Variants in DST observed in about 807,000 individuals in gnomAD.
The protein encoded by DST is dystonin.
In DST, 253 loss-of-function variants were observed where a neutral mutation model predicts 875.2. The ratio of observed to expected loss-of-function variants is 0.29; its 90% CI spans 0.26 to 0.32. The LOEUF (loss-of-function observed/expected upper bound fraction) is 0.32. DST is among the 10% of genes least tolerant of loss of function. The pLI is 1.00. For missense variants in DST, 8,287 were observed against 9,111.6 expected, an observed-to-expected ratio of 0.91 and a Z score of 3.68; for synonymous variants, 3,124 against 3,197.1, an observed-to-expected ratio of 0.98 and a Z score of 0.77.
chr6:56,666,991 T>C (rs1399412626), intron 10 of DST, among the ~76,000 whole-genome samples: 1 of 151,382 alleles, frequency 6.6e-6, no homozygotes, highest in African/African-American at 2.4e-5. Context: ...CAACTGAAAG[T>C]AGAGAATTAA....
chr6:56,483,660 A>G (rs60164584), intron 88 of DST: 1 of 150,464 alleles, frequency 6.6e-6, no homozygotes, highest in South Asian at 2.1e-4. Context: ...TTTTGATCCA[A>G]GAGTCTGTGT....
chr6:56,725,817 C>G (rs1462735308), intron 5 of DST, among the ~76,000 whole-genome samples: 1 of 152,096 alleles, frequency 6.6e-6, no homozygotes, highest in Non-Finnish European at 1.5e-5. Flanking sequence ...ATGAAAGCTC[C>G]CATTCCATAT....
Position 56,603,548 on chromosome 6 carries a change from AG to A in DST, c.10941+15del. The A allele has an allele frequency of 6.2e-7, 1 of 1,601,100 alleles. No homozygotes were observed. Among genetic ancestry groups the A allele is most frequent in the South Asian group, 1.1e-5 (1 of 88,980 alleles). On this transcript the variant is annotated intron_variant, in intron 41 of 103. Coordinates refer to ENST00000680361, the MANE Select transcript of DST (RefSeq NM_001374736.1). ...AGCTGACTACCATCCATAAAGAGGCAGTAGACAATTCTTACCTCCAACTGTC... is the reference window on the plus strand; with the variant it reads ...AGCTGACTACCATCCATAAAGAGGCATAGACAATTCTTACCTCCAACTGTC...
intron 61 of DST, among the ~76,000 whole-genome samples, chr6:56,544,197 G>A (rs1327387393): frequency 1.3e-5 from 2 of 152,158 alleles, no homozygotes; most frequent in Non-Finnish European, 2.9e-5. Flanking sequence ...CTGGGAAATA[G>A]TAGAGGCCAA....
intron 2 of DST, among the ~76,000 whole-genome samples, chr6:56,917,305 C>G (rs539093120): frequency 2.0e-5 from 3 of 152,172 alleles, no homozygotes; most frequent in Non-Finnish European, 4.4e-5. Flanking sequence ...ATAATTTATG[C>G]TGAGTAAAGA....
intron 49 of DST, among the ~76,000 whole-genome samples, chr6:56,581,359 G>A (rs2097986544): frequency 6.6e-6 from 1 of 152,120 alleles, no homozygotes; most frequent in African/African-American, 2.4e-5. Flanking sequence ...TAATTGATGG[G>A]GTGGAAATGG....
At chr6:56,705,769 G>C (rs1015835043) in intron 5 of DST, among the ~76,000 whole-genome samples, 1 of 152,130 alleles carries the variant, frequency 6.6e-6, no homozygotes, top group African/African-American at 2.4e-5. Context: ...AGGCTCAATA[G>C]CTCTACCACA....
chr6:56,809,559 A>G (rs1197260182), intron 4 of DST, among the ~76,000 whole-genome samples: 1 of 152,222 alleles, frequency 6.6e-6, no homozygotes, highest in Non-Finnish European at 1.5e-5. Flanking sequence ...ACTATCTCTC[A>G]TAGTTCTACC....
In DST at chr6:56,524,042, A is replaced by G. The variant is rs1051638235; in HGVS notation, c.18129+2319T>C. ...GTCTAAAGATATGCTTTTTTTAATC[A>G]CTCCTTTTTATATTTCATGGATGTA... On this transcript the variant is annotated intron_variant, in intron 69 of 103. Transcript: ENST00000680361. Among the ~76,000 whole-genome samples the G allele has an allele frequency of 4.4e-4, 67 of 151,966 alleles. 1 individual carries two copies. The highest frequency in any genetic ancestry group is 4.4e-3 in the Admixed American group (67 of 15,232).
intron 49 of DST, among the ~76,000 whole-genome samples, chr6:56,582,386 C>T (rs78302347): frequency 0.048 from 7,249 of 152,032 alleles, 257 homozygotes; most frequent in Non-Finnish European, 0.074. Flanking sequence ...CACTTCCCCA[C>T]CTCCCCACCT....
At chr6:56,928,659 G>A (rs1352254583) in intron 2 of DST, among the ~76,000 whole-genome samples, 1 of 152,102 alleles carries the variant, frequency 6.6e-6, no homozygotes, top group African/African-American at 2.4e-5. Flanking sequence ...ATTTGCGGAT[G>A]ATATGTTATT....
At chr6:56,953,978 C>T (rs1426993260) in intron 1 of DST, among the ~76,000 whole-genome samples, 159 bp from the exon 2 acceptor site, 4 of 152,134 alleles carry the variant, frequency 2.6e-5, no homozygotes, top group Non-Finnish European at 5.9e-5. Flanking sequence ...GTCCTGGGGC[C>T]ATCGGTCTCT....
At chr6:56,742,209 G>T in intron 4 of DST, 2 of 1,061,232 alleles carry the variant, frequency 1.9e-6, no homozygotes, top group Non-Finnish European at 2.6e-6. Context: ...AAAGCAGGTA[G>T]TGCAACTTTC....
intron 4 of DST, among the ~76,000 whole-genome samples, chr6:56,818,817 T>C (rs567541779): frequency 6.6e-6 from 1 of 152,268 alleles, no homozygotes; most frequent in Admixed American, 6.5e-5. Context: ...ACTATTACCT[T>C]TTAGTGAACT....
chr6:56,842,750 T>G (rs1161548518), intron 4 of DST, among the ~76,000 whole-genome samples: 1 of 152,096 alleles, frequency 6.6e-6, no homozygotes, highest in Non-Finnish European at 1.5e-5. Context: ...CAGGAAGAAT[T>G]ATGATTACGC....
Position 56,897,376 on chromosome 6 carries a change from G to A in DST, c.417+3045C>T, listed in dbSNP as rs187331762. Among the ~76,000 whole-genome samples, 88 of 151,512 alleles carry A rather than the reference G, an allele frequency of 5.8e-4. 1 individual carries two copies. Among genetic ancestry groups the A allele is most frequent in the African/African-American group, 2.0e-3 (83 of 41,304 alleles). ...AGACGTAGTCTCACTCTATTGCCAAGGCTGGAGTGCAATGGCACGATCTTG... is the reference window on the plus strand; with the variant it reads ...AGACGTAGTCTCACTCTATTGCCAAAGCTGGAGTGCAATGGCACGATCTTG... On this transcript the variant is annotated intron_variant, in intron 3 of 103. Transcript: ENST00000680361.
intron 61 of DST, chr6:56,542,790 C>G (rs1455872441): frequency 6.6e-6 from 1 of 152,416 alleles, no homozygotes; most frequent in Admixed American, 6.5e-5. Context: ...GCAACGCCCT[C>G]TCTCTTCAGG....
intron 4 of DST, among the ~76,000 whole-genome samples, chr6:56,783,063 G>A (rs1177447810): frequency 6.6e-6 from 1 of 152,066 alleles, no homozygotes; most frequent in Non-Finnish European, 1.5e-5. Context: ...CTGAGTTCTA[G>A]TTTGATTGCA....
In DST at chr6:56,807,290, TG is replaced by T. The variant is rs559570124; in HGVS notation, c.625+44106del. On this transcript the variant is annotated intron_variant, in intron 4 of 103. Coordinates refer to ENST00000680361, the MANE Select transcript of DST (RefSeq NM_001374736.1). ...ATCCACCCACCTTGGCTTCCCAAAGTGTTGTGATTACAGGTGTGAGCCACTG... is the reference window on the plus strand; with the variant it reads ...ATCCACCCACCTTGGCTTCCCAAAGTTTGTGATTACAGGTGTGAGCCACTG... 4.6e-5 allele frequency among the ~76,000 whole-genome samples: 7 copies of T among 152,324 alleles called. No individual in the cohort carries two copies. The South Asian group carries it at 1.2e-3, about 27-fold the overall frequency.
Sources: gnomAD v4.1 joint callset for allele counts (sites outside exome capture counted in the v4.1 genomes callset) on GRCh38, gnomAD v4.1.1 for gene constraint, MANE v1.5 for transcripts, NCBI Gene and HGNC (gene_info 2026-07-23, HGNC 2026-07-21) for gene names.